Variants in SLC24A3 observed in about 807,000 individuals in gnomAD.
SLC24A3 encodes sodium/potassium/calcium exchanger 3.
A neutral mutation model predicts 75.8 loss-of-function variants in SLC24A3; 28 were observed. The observed-to-expected ratio is 0.37, with a 90% CI of 0.27 to 0.51. The LOEUF (loss-of-function observed/expected upper bound fraction) is 0.51. SLC24A3 is among the 20% of genes least tolerant of loss of function. The pLI is 0.94. For missense variants in SLC24A3, 663 were observed against 847.8 expected, an observed-to-expected ratio of 0.78 and a Z score of 2.71; for synonymous variants, 372 against 334.1, an observed-to-expected ratio of 1.11 and a Z score of -1.24.
intron 2 of SLC24A3, among the ~76,000 whole-genome samples, chr20:19,286,043 G>A (rs946809950): frequency 1.3e-5 from 2 of 152,182 alleles, no homozygotes; most frequent in Non-Finnish European, 2.9e-5. Context: ...ATGGCCTTTG[G>A]TGTGGGCTTC....
At chr20:19,614,094 A>C (rs2122666942) in intron 6 of SLC24A3, among the ~76,000 whole-genome samples, 1 of 152,344 alleles carries the variant, frequency 6.6e-6, no homozygotes, top group East Asian at 1.9e-4. Flanking sequence ...GACAGTTTGC[A>C]TCTGGAATCT....
chr20:19,588,388 C>T (rs1236459264), intron 6 of SLC24A3, among the ~76,000 whole-genome samples: 1 of 152,150 alleles, frequency 6.6e-6, no homozygotes, highest in African/African-American at 2.4e-5. Flanking sequence ...TGGAGGGTTG[C>T]ACATGACCAA....
At chr20:19,537,725 G>C (rs1355268231) in intron 3 of SLC24A3, among the ~76,000 whole-genome samples, 2 of 152,158 alleles carry the variant, frequency 1.3e-5, no homozygotes, top group Admixed American at 1.3e-4. Flanking sequence ...CATGTCCTTT[G>C]TAGGGACATG....
chr20:19,596,328 G>T (rs868188827), intron 6 of SLC24A3, among the ~76,000 whole-genome samples: 87 of 152,308 alleles, frequency 5.7e-4, no homozygotes, highest in African/African-American at 2.1e-3. Context: ...TTGCAGGTCA[G>T]TTGGAAATAG....
rs538916178 is a variant in SLC24A3 at position 19,504,769 on chromosome 20, C to T, written c.272-10719C>T. The stretch of plus-strand genomic sequence containing the variant: ...TCCAAGAAGAGTATCAAGTTCTGCA[C>T]ACCACAGGGAATTTACCATAAATAT... On this transcript the variant is annotated intron_variant, in intron 2 of 16. Transcript: ENST00000328041. Among the ~76,000 whole-genome samples the T allele has an allele frequency of 3.0e-4, 46 of 152,368 alleles. 1 individual carries two copies. In the South Asian group the frequency reaches 9.3e-3, roughly 31 times the overall value.
intron 2 of SLC24A3, among the ~76,000 whole-genome samples, chr20:19,382,079 C>T (rs1182638985): frequency 7.2e-5 from 11 of 152,160 alleles, no homozygotes; most frequent in Non-Finnish European, 1.5e-5. Context: ...ACGTTTGCCA[C>T]GTGTCAGTTC....
chr20:19,239,260 A>G (rs1982264718), intron 1 of SLC24A3, among the ~76,000 whole-genome samples: 1 of 152,164 alleles, frequency 6.6e-6, no homozygotes, highest in South Asian at 2.1e-4. Context: ...CGTATGAAGC[A>G]CAACAGGAGA....
chr20:19,481,214 G>A (rs57355751), intron 2 of SLC24A3, among the ~76,000 whole-genome samples: 1,572 of 135,036 alleles, frequency 0.012, 28 homozygotes, highest in South Asian at 0.045. Context: ...ACATTGCTAC[G>A]TCCTGGCTTG....
At position 19,252,643 on chromosome 20, in the gene SLC24A3, C is replaced by CGGTGG. The variant is rs1555783960; in HGVS notation, c.143-28314_143-28313insTGGGG. Among the ~76,000 whole-genome samples the CGGTGG allele has an allele frequency of 2.2e-5, 3 of 133,364 alleles. No individual in the cohort carries two copies. The Admixed American group carries it at 2.3e-4, about 10-fold the overall frequency. The allele number at this position is 133,364 out of a possible 152,430, so 87.5% of individuals were successfully genotyped here. A position where few individuals can be genotyped will look rare whatever the true frequency, so the allele number is the denominator to read the frequency against. ...AACAAAAAGCCTGAAATTGGAATGG[C>CGGTGG]GGGGGGGGGTGCCTGTTCCAGAAAC... On this transcript the variant is annotated intron_variant, in intron 1 of 16. Coordinates refer to ENST00000328041, the MANE Select transcript of SLC24A3 (RefSeq NM_020689.4).
intron 3 of SLC24A3, among the ~76,000 whole-genome samples, chr20:19,528,751 C>T (rs1305545464): frequency 6.6e-6 from 1 of 152,052 alleles, no homozygotes; most frequent in Non-Finnish European, 1.5e-5. Flanking sequence ...GAACTTGTTC[C>T]AGCTGTCTTT....
At chr20:19,296,730 T>C (rs111978290) in intron 2 of SLC24A3, among the ~76,000 whole-genome samples, 3,063 of 152,296 alleles carry the variant, frequency 0.02, 42 homozygotes, top group African/African-American at 0.031. Context: ...TGAACTCAGC[T>C]CTGGATCAAG....
intron 2 of SLC24A3, among the ~76,000 whole-genome samples, chr20:19,402,426 C>T (rs1293219060): frequency 6.6e-6 from 1 of 152,102 alleles, no homozygotes; most frequent in Non-Finnish European, 1.5e-5. Flanking sequence ...CTCAGAAGGA[C>T]AGAAATGATG....
At chr20:19,340,425 T>A (rs1317807734) in intron 2 of SLC24A3, among the ~76,000 whole-genome samples, 4 of 152,236 alleles carry the variant, frequency 2.6e-5, no homozygotes, top group African/African-American at 4.8e-5. Context: ...GATCTAGGAC[T>A]TCTAGCCTCC....
Position 19,212,673 on chromosome 20 carries a change from C to A in SLC24A3, c.-170C>A. ...GACGAGGAGGGCGACGACGAGGAGA[C>A]GGGCAGCGGCGAGGAGGAGGAAGAG... On this transcript the variant is annotated 5_prime_UTR_variant, in exon 1 of 17. Transcript: ENST00000328041. 3.2e-6 allele frequency: 1 copy of A among 310,502 alleles called. No homozygotes were observed. Among genetic ancestry groups the A allele is most frequent in the Non-Finnish European group, 4.7e-6 (1 of 214,830 alleles). 19.2% of individuals were successfully genotyped at this position (310,502 alleles called of 1,614,324 possible). A position where few individuals can be genotyped will look rare whatever the true frequency, so the allele number is the denominator to read the frequency against.
At chr20:19,696,577 T>C in intron 13 of SLC24A3, 1 of 439,998 alleles carries the variant, frequency 2.3e-6, no homozygotes, top group Non-Finnish European at 4.0e-6. Flanking sequence ...CAATGTTTTG[T>C]TGGAAAGTTT....
chr20:19,540,264 A>G (rs2030472299), intron 3 of SLC24A3, among the ~76,000 whole-genome samples: 1 of 152,128 alleles, frequency 6.6e-6, no homozygotes, highest in African/African-American at 2.4e-5. Context: ...TGCAACTGGG[A>G]CCAGCATCTC....
intron 2 of SLC24A3, among the ~76,000 whole-genome samples, chr20:19,501,636 C>G (rs1416907957): frequency 6.6e-6 from 1 of 152,184 alleles, no homozygotes; most frequent in Non-Finnish European, 1.5e-5. Context: ...TGCCTCTGAG[C>G]CTTGGGGCAT....
At chr20:19,422,983 ACT>A (rs1218085614) in intron 2 of SLC24A3, among the ~76,000 whole-genome samples, 2 of 152,130 alleles carry the variant, frequency 1.3e-5, no homozygotes, top group African/African-American at 4.8e-5. Context: ...TGGCCATAAA[ACT>A]CTGCTGATCA....
rs1332718905 is a variant in SLC24A3, at chr20:19,721,032, G to C, written c.1827G>C (p.Lys609Asn). ...VHLNKWQLDK[K>N]LGCGCLLLYG... Reference sequence around the variant, plus strand: ...TGAACAAGTGGCAGCTGGACAAGAAGCTGGGCTGTGGGTGCCTCCTCCTGT... The same window carrying C: ...TGAACAAGTGGCAGCTGGACAAGAACCTGGGCTGTGGGTGCCTCCTCCTGT... The change falls in exon 17 of 17, where the codon AAG (lysine) becomes AAC (asparagine). Residue 609 changes from lysine (K) to asparagine (N), a missense_variant. By Grantham distance (94) the Lys-to-Asn change is moderately conservative (BLOSUM62 0). Around this residue, in one of 2 missense-constraint regions of SLC24A3, gnomAD observed 510 missense variants for 703.6 expected, o/e 0.72. Transcript: ENST00000328041. The C allele has an allele frequency of 6.2e-7, 1 of 1,614,124 alleles. No individual in the cohort carries two copies. Among genetic ancestry groups the C allele is most frequent in the African/African-American group, 1.3e-5 (1 of 75,022 alleles).
Sources: allele counts gnomAD v4.1 joint callset (sites outside exome capture counted in the v4.1 genomes callset), GRCh38; gene constraint gnomAD v4.1.1; regional missense constraint gnomAD v4.1.1; transcripts MANE v1.5; gene names NCBI Gene and HGNC (gene_info 2026-07-23, HGNC 2026-07-21).